Variants in GXYLT2 observed in about 807,000 individuals in gnomAD.
GXYLT2 encodes the protein glucoside xylosyltransferase 2.
Under a neutral mutation model 45.8 loss-of-function variants are expected in GXYLT2, and 53 were observed. The observed-to-expected ratio is 1.16, with a 90% CI of 0.93 to 1.46. The LOEUF is 1.46. GXYLT2 is among the 40% of genes most tolerant of loss of function. The probability of loss-of-function intolerance (pLI) is 0.00; values close to 1 mark genes in which losing one functional copy is unlikely to be tolerated. For missense variants in GXYLT2, 551 were observed against 544.4 expected, an observed-to-expected ratio of 1.01 and a Z score of -0.12; for synonymous variants, 219 against 214.2, an observed-to-expected ratio of 1.02 and a Z score of -0.19.
At chr3:72,907,228 G>A (rs937855294) in intron 1 of GXYLT2, among the ~76,000 whole-genome samples, 4 of 152,204 alleles carry the variant, frequency 2.6e-5, no homozygotes, top group Non-Finnish European at 5.9e-5. Context: ...TGAGCCATGA[G>A]GCTGTGCTTC....
chr3:72,928,918 C>T, intron 3 of GXYLT2: 1 of 701,912 alleles, frequency 1.4e-6, no homozygotes. Flanking sequence ...CGTTCGTCCC[C>T]CATCCCGGCC....
rs562819999 is a variant in GXYLT2 at position 72,901,050 on chromosome 3, A to G, written c.276-7317A>G. Among the ~76,000 whole-genome samples, 27 of 152,062 alleles carry G rather than the reference A, an allele frequency of 1.8e-4. No homozygotes were observed. The South Asian group carries it at 4.2e-3, about 23-fold the overall frequency. On this transcript the variant is annotated intron_variant, in intron 1 of 6. Transcript: ENST00000389617. ...ACCCCTGTAATCCCAGCACTTTGGG[A>G]GGCTGAGGTGGGCAGATCACCTGAG...
chr3:72,953,093 A>T (rs965606804), intron 3 of GXYLT2, among the ~76,000 whole-genome samples: 1 of 152,090 alleles, frequency 6.6e-6, no homozygotes, highest in Admixed American at 6.6e-5. Context: ...GAACTAATTT[A>T]CCTAAGGTGG....
intron 3 of GXYLT2, among the ~76,000 whole-genome samples, chr3:72,953,272 A>C (rs1292749600): frequency 6.6e-6 from 1 of 151,786 alleles, no homozygotes; most frequent in African/African-American, 2.4e-5. Context: ...ACACACAGCC[A>C]CTCTCTTAAT....
chr3:72,917,912 C>G (rs931080297), intron 2 of GXYLT2, among the ~76,000 whole-genome samples: 10 of 151,990 alleles, frequency 6.6e-5, no homozygotes, highest in African/African-American at 2.2e-4. Flanking sequence ...ATTTCCATTC[C>G]TTTTCTTTTC....
rs1710665389 is a variant in GXYLT2, at chr3:72,957,218, C to A, written c.853-11C>A. On this transcript the variant is annotated splice_polypyrimidine_tract_variant and intron_variant, in intron 4 of 6. Transcript: ENST00000389617. ...TTGCTTCAGCTGTTCTGATGGTTTTCTTTTTTCCAGAACAGCATGATTCCA... is the reference window on the plus strand; with the variant it reads ...TTGCTTCAGCTGTTCTGATGGTTTTATTTTTTCCAGAACAGCATGATTCCA... The A allele has an allele frequency of 6.2e-7, 1 of 1,601,316 alleles. No individual in the cohort carries two copies. Among genetic ancestry groups the A allele is most frequent in the Non-Finnish European group, 8.5e-7 (1 of 1,175,938 alleles).
chr3:72,900,483 C>T (rs1184824991), intron 1 of GXYLT2, among the ~76,000 whole-genome samples: 1 of 152,042 alleles, frequency 6.6e-6, no homozygotes, highest in Non-Finnish European at 1.5e-5. Context: ...GGCACAATCT[C>T]GGCTCACTGC....
chr3:72,954,194 C>G (rs1485808809), intron 3 of GXYLT2, among the ~76,000 whole-genome samples: 1 of 151,982 alleles, frequency 6.6e-6, no homozygotes, highest in Non-Finnish European at 1.5e-5. Flanking sequence ...ACCTCCGCCC[C>G]CTCCCCGGGT....
At chr3:72,915,628 G>A (rs916987557) in intron 2 of GXYLT2, among the ~76,000 whole-genome samples, 1 of 151,846 alleles carries the variant, frequency 6.6e-6, no homozygotes, top group African/African-American at 2.4e-5. Flanking sequence ...CCTGAGGTTG[G>A]GAGTTCGAGA....
rs1015709438 is a variant in GXYLT2 at position 72,976,093 on chromosome 3, G to T, written c.*934G>T. 6.6e-6 allele frequency: 1 copy of T among 151,426 alleles called. No individual in the cohort carries two copies. The highest frequency in any genetic ancestry group is 1.5e-5 in the Non-Finnish European group (1 of 67,922). The allele number at this position is 151,426 out of a possible 1,614,324, so 9.4% of individuals were successfully genotyped here. A position where few individuals can be genotyped will look rare whatever the true frequency, so the allele number is the denominator to read the frequency against. ...ATTACAAGTGTGTGCCACCACACCC[G>T]GCTAATTTTTGTATTTTTAGTAGAG... is the stretch of plus-strand genomic sequence containing the variant. On this transcript the variant is annotated 3_prime_UTR_variant, in exon 7 of 7. Transcript: ENST00000389617.
intron 3 of GXYLT2, chr3:72,929,022 G>A (rs1367706928): frequency 1.4e-6 from 2 of 1,424,910 alleles, no homozygotes; most frequent in Admixed American, 3.4e-5. Flanking sequence ...AGCCACCGCC[G>A]CCTCTCCTTA....
intron 6 of GXYLT2, among the ~76,000 whole-genome samples, chr3:72,974,596 A>C (rs1430509227): frequency 6.6e-6 from 1 of 151,962 alleles, no homozygotes; most frequent in East Asian, 1.9e-4. Flanking sequence ...TAAGGACCCA[A>C]ATTTTTTTTT....
intron 2 of GXYLT2, among the ~76,000 whole-genome samples, chr3:72,914,779 C>T (rs1709704048): frequency 6.6e-6 from 1 of 152,098 alleles, no homozygotes; most frequent in African/African-American, 2.4e-5. Context: ...GCCATAGAGC[C>T]TGGGTCTGTC....
At chr3:72,960,969 G>A (rs934754883) in intron 5 of GXYLT2, among the ~76,000 whole-genome samples, 10 of 152,174 alleles carry the variant, frequency 6.6e-5, no homozygotes, top group African/African-American at 2.4e-4. Flanking sequence ...TTATTATAGT[G>A]TCTTGTATCT....
At chr3:72,899,054 A>C (rs1435063754) in intron 1 of GXYLT2, among the ~76,000 whole-genome samples, 1 of 152,082 alleles carries the variant, frequency 6.6e-6, no homozygotes, top group Non-Finnish European at 1.5e-5. Context: ...TTTCTAACTT[A>C]CTTGTATGTG....
intron 3 of GXYLT2, among the ~76,000 whole-genome samples, chr3:72,943,656 C>T (rs184350687): frequency 3.9e-5 from 6 of 152,004 alleles, no homozygotes; most frequent in Non-Finnish European, 8.8e-5. Flanking sequence ...GGATTACAGG[C>T]GTGATTACAG....
chr3:72,903,544 AC>A (rs1709446440), intron 1 of GXYLT2, among the ~76,000 whole-genome samples: 1 of 152,158 alleles, frequency 6.6e-6, no homozygotes, highest in African/African-American at 2.4e-5. Flanking sequence ...CCAGGGCCTC[AC>A]CCAAGACCCA....
chr3:72,935,861 T>C (rs1350623398), intron 3 of GXYLT2, among the ~76,000 whole-genome samples: 1 of 152,194 alleles, frequency 6.6e-6, no homozygotes, highest in Non-Finnish European at 1.5e-5. Context: ...GTGAGTCTAA[T>C]GTACTCCACT....
rs1709101156 is a variant in GXYLT2 at position 72,888,183 on chromosome 3, G to T, written c.-51G>T. 6.1e-6 allele frequency: 6 copies of T among 981,816 alleles called. No individual in the cohort carries two copies. The highest frequency in any genetic ancestry group is 7.2e-6 in the Non-Finnish European group (6 of 828,768). 60.8% of individuals were successfully genotyped at this position (981,816 alleles called of 1,614,324 possible). ...GCACTCATCCTGCCGCCGCCGCGATGCGCAGAGGGGCCGAGCCGCCTGGGG... is the reference window on the plus strand; with the variant it reads ...GCACTCATCCTGCCGCCGCCGCGATTCGCAGAGGGGCCGAGCCGCCTGGGG... On this transcript the variant is annotated 5_prime_UTR_variant, in exon 1 of 7. The change abolishes an upstream ATG in the 5' untranslated region. Coordinates refer to ENST00000389617, the MANE Select transcript of GXYLT2 (RefSeq NM_001080393.2).
Sources: gnomAD v4.1 joint callset for allele counts (sites outside exome capture counted in the v4.1 genomes callset) on GRCh38, gnomAD v4.1.1 for gene constraint, MANE v1.5 for transcripts, NCBI Gene and HGNC (gene_info 2026-07-23, HGNC 2026-07-21) for gene names.